Variants in CLHC1 observed in about 807,000 individuals in gnomAD.
CLHC1 encodes the protein clathrin heavy chain linker domain-containing protein 1.
A neutral mutation model predicts 69.5 loss-of-function variants in CLHC1; 72 were observed. That is an observed-to-expected ratio of 1.04 (90% CI 0.86 to 1.26). The LOEUF is 1.26. CLHC1 is among the 50% of genes most tolerant of loss of function. The probability of loss-of-function intolerance (pLI) is 0.00; values close to 1 mark genes in which losing one functional copy is unlikely to be tolerated. For missense variants in CLHC1, 790 were observed against 679.3 expected (o/e 1.16, Z -1.81); for synonymous variants, 223 against 224.3 (o/e 0.99, Z 0.05).
At position 55,175,747 on chromosome 2, in the gene CLHC1, A is replaced by G. The variant is rs765894229; in HGVS notation, c.*43T>C. ...AATCAGTTTTTCCCAACCAGCATAC[A>G]TAAGGTGTTGTACAAGCTCCCTCAG... is the stretch of plus-strand genomic sequence containing the variant. On this transcript the variant is annotated 3_prime_UTR_variant, in exon 13 of 13. Coordinates refer to ENST00000401408, the MANE Select transcript of CLHC1 (RefSeq NM_152385.4). 18 of 1,425,718 alleles carry G rather than the reference A, an allele frequency of 1.3e-5. No individual in the cohort carries two copies. The highest frequency in any genetic ancestry group is 3.7e-5 in the Admixed American group (2 of 54,762). The allele number at this position is 1,425,718 out of a possible 1,614,324, so 88.3% of individuals were successfully genotyped here.
chr2:55,226,546 G>A (rs562674406), intron 2 of CLHC1, among the ~76,000 whole-genome samples: 7 of 152,068 alleles, frequency 4.6e-5, no homozygotes, highest in African/African-American at 1.2e-4. Flanking sequence ...TTGTTAAATC[G>A]TTTTTTAAAA....
chr2:55,221,302 A>G (rs895722018), intron 3 of CLHC1, among the ~76,000 whole-genome samples: 2 of 152,256 alleles, frequency 1.3e-5, no homozygotes, highest in African/African-American at 4.8e-5. Flanking sequence ...GCATAAATAA[A>G]TTAGGATTGG....
intron 9 of CLHC1, among the ~76,000 whole-genome samples, chr2:55,199,092 T>A (rs910549629): frequency 1.3e-5 from 2 of 151,036 alleles, no homozygotes; most frequent in African/African-American, 2.4e-5. Context: ...AGTTCAGGAG[T>A]TCACAACCAG....
chr2:55,227,583 C>A (rs553089659), intron 2 of CLHC1, among the ~76,000 whole-genome samples: 1 of 149,326 alleles, frequency 6.7e-6, no homozygotes, highest in East Asian at 2.0e-4. Context: ...GAGGCTGAGG[C>A]AGGAGAATCA....
chr2:55,183,579 T>A (rs1670125457), intron 9 of CLHC1, among the ~76,000 whole-genome samples: 2 of 152,178 alleles, frequency 1.3e-5, no homozygotes, highest in South Asian at 4.1e-4. Context: ...CAAGATAATA[T>A]ATAATACCTA....
At chr2:55,183,573 A>C (rs755700912) in intron 9 of CLHC1, among the ~76,000 whole-genome samples, 32 of 152,218 alleles carry the variant, frequency 2.1e-4, no homozygotes, top group South Asian at 2.1e-4. Flanking sequence ...TTTTCACAAG[A>C]TAATATATAA....
chr2:55,224,604 C>T, intron 2 of CLHC1: 1 of 255,434 alleles, frequency 3.9e-6, no homozygotes, highest in South Asian at 4.0e-5. Context: ...ATGAGATGGG[C>T]CAGGGCGGGA....
intron 9 of CLHC1, among the ~76,000 whole-genome samples, chr2:55,205,300 A>C (rs1672329585): frequency 6.6e-6 from 1 of 152,040 alleles, no homozygotes; most frequent in South Asian, 2.1e-4. Flanking sequence ...TTATATGAAA[A>C]AGACACCTGC....
chr2:55,227,675 C>T (rs1674841780), intron 2 of CLHC1, among the ~76,000 whole-genome samples: 1 of 17,792 alleles, frequency 5.6e-5, no homozygotes. Flanking sequence ...AAGACTCCAT[C>T]TCAAAAAAAA....
At chr2:55,213,292 C>T (rs1049030436) in intron 4 of CLHC1, among the ~76,000 whole-genome samples, 1 of 152,188 alleles carries the variant, frequency 6.6e-6, no homozygotes, top group Non-Finnish European at 1.5e-5. Flanking sequence ...CCTTTTCCAG[C>T]CTTGGGGCTG....
At position 55,190,890 on chromosome 2, in the gene CLHC1, A is replaced by G. The variant is rs529615768; in HGVS notation, c.1007-9146T>C. On this transcript the variant is annotated intron_variant, in intron 9 of 12. Coordinates refer to ENST00000401408, the MANE Select transcript of CLHC1 (RefSeq NM_152385.4). ...CCAAGAATCTCAATGGACTCCAAGCATAAGAAGCATGAAAATAAAACTATA... is the reference window on the plus strand; with the variant it reads ...CCAAGAATCTCAATGGACTCCAAGCGTAAGAAGCATGAAAATAAAACTATA... Among the ~76,000 whole-genome samples the G allele has an allele frequency of 1.0e-3, 153 of 152,288 alleles. 1 individual carries two copies. The highest frequency in any genetic ancestry group is 3.4e-3 in the African/African-American group (142 of 41,546).
At chr2:55,227,362 C>A (rs148198238) in intron 2 of CLHC1, among the ~76,000 whole-genome samples, 1 of 151,474 alleles carries the variant, frequency 6.6e-6, no homozygotes, top group Non-Finnish European at 1.5e-5. Context: ...GTAGGGGAGA[C>A]AAACTATAAA....
In CLHC1 at chr2:55,222,258, T is replaced by C. The variant is rs1222634617; in HGVS notation, c.154A>G (p.Ile52Val). The C allele has an allele frequency of 9.9e-6, 16 of 1,612,994 alleles. No homozygotes were observed. In the Admixed American group the frequency reaches 2.5e-4, roughly 25 times the overall value. The change falls in exon 3 of 13, where the codon ATA becomes GTA. Residue 52 changes from isoleucine to valine, a missense_variant. Coordinates refer to ENST00000401408, the MANE Select transcript of CLHC1 (RefSeq NM_152385.4). ...ACCTTATCAAAAACATTTCGGTATATGATGTAATATTCATCAGCAGGTCCT... is the reference window on the plus strand; with the variant it reads ...ACCTTATCAAAAACATTTCGGTATACGATGTAATATTCATCAGCAGGTCCT... ...EEGPADEYYI[I>V]YRNVFDKVIE...
In CLHC1 at chr2:55,219,467, A is replaced by G. The variant is rs182325775; in HGVS notation, c.178-1469T>C. On this transcript the variant is annotated intron_variant, in intron 3 of 12. Transcript: ENST00000401408. ...CAAAATCACATTTTCAGCTTCTCTTACAAACTCTGAAAAATCTACCTACAT... is the reference window on the plus strand; with the variant it reads ...CAAAATCACATTTTCAGCTTCTCTTGCAAACTCTGAAAAATCTACCTACAT... 7.2e-5 allele frequency among the ~76,000 whole-genome samples: 11 copies of G among 152,368 alleles called. 1 individual carries two copies. In the East Asian group the frequency reaches 2.1e-3, roughly 29 times the overall value.
chr2:55,192,383 G>A (rs759719170), intron 9 of CLHC1, among the ~76,000 whole-genome samples: 3 of 152,114 alleles, frequency 2.0e-5, no homozygotes, highest in Non-Finnish European at 2.9e-5. Flanking sequence ...GCCTCCTAAA[G>A]TGCTGGGATT....
chr2:55,184,184 T>C (rs1236500354), intron 9 of CLHC1, among the ~76,000 whole-genome samples: 1 of 150,960 alleles, frequency 6.6e-6, no homozygotes, highest in African/African-American at 2.4e-5. Context: ...CGGCTCACTG[T>C]AATCTTAACT....
intron 11 of CLHC1, among the ~76,000 whole-genome samples, chr2:55,179,266 A>T (rs1345565587): frequency 6.6e-6 from 1 of 152,032 alleles, no homozygotes; most frequent in South Asian, 2.1e-4. Context: ...TAACCAAATC[A>T]CTTAGCTCTA....
At chr2:55,192,051 A>G (rs1282943416) in intron 9 of CLHC1, among the ~76,000 whole-genome samples, 1 of 152,080 alleles carries the variant, frequency 6.6e-6, no homozygotes, top group African/African-American at 2.4e-5. Flanking sequence ...CATGTCAACA[A>G]CAACATTAAA....
chr2:55,203,011 A>G (rs1016206676), intron 9 of CLHC1, among the ~76,000 whole-genome samples: 7 of 152,194 alleles, frequency 4.6e-5, no homozygotes, highest in African/African-American at 1.7e-4. Flanking sequence ...CAATCTGAAA[A>G]AGAAATTTAA....
Sources: allele counts gnomAD v4.1 joint callset (sites outside exome capture counted in the v4.1 genomes callset), GRCh38; gene constraint gnomAD v4.1.1; transcripts MANE v1.5; gene names NCBI Gene and HGNC (gene_info 2026-07-23, HGNC 2026-07-21).